The following OSTF1 variants were observed in gnomAD, a reference collection of about 807,000 sequenced individuals.
OSTF1 encodes the protein osteoclast stimulating factor 1.
OSTF1 carries 27 observed loss-of-function variants against 37.2 expected under a neutral mutation model. The observed-to-expected ratio is 0.73, with a 90% CI of 0.54 to 1.00. OSTF1 has a LOEUF of 1.00. Ranked by LOEUF, OSTF1 falls within the 50% of genes least tolerant of loss-of-function variation. The pLI is 0.00. For synonymous variants in OSTF1, 82 were observed against 89.2 expected (o/e 0.92, Z 0.46); for missense variants, 232 against 253.8 (o/e 0.91, Z 0.58).
chr9:75,122,410 G>C (rs1418535856), intron 2 of OSTF1, among the ~76,000 whole-genome samples: 1 of 152,218 alleles, frequency 6.6e-6, no homozygotes, highest in African/African-American at 2.4e-5. Context: ...TCCAAGCCTA[G>C]TGAGTTGTGA....
chr9:75,119,041 A>T lies in OSTF1; in HGVS notation c.81+1491A>T, dbSNP rs72732989. On this transcript the variant is annotated intron_variant, in intron 2 of 9. Coordinates refer to ENST00000346234, the MANE Select transcript of OSTF1 (RefSeq NM_012383.5). Reference sequence around the variant, plus strand: ...TTTGCCCCAGACCCTGCTGTCCCCAAAGTTAGAGGCAACTCAGAAGGTCAC... The same window carrying T: ...TTTGCCCCAGACCCTGCTGTCCCCATAGTTAGAGGCAACTCAGAAGGTCAC... 1.9e-3 allele frequency among the ~76,000 whole-genome samples: 287 copies of T among 152,330 alleles called. 1 individual carries two copies. Among genetic ancestry groups the T allele is most frequent in the Non-Finnish European group, 3.1e-3 (213 of 68,030 alleles).
intron 8 of OSTF1, among the ~76,000 whole-genome samples, chr9:75,139,386 C>T (rs1022022901): frequency 6.6e-6 from 1 of 151,964 alleles, no homozygotes; most frequent in Non-Finnish European, 1.5e-5. Context: ...TGATACTTTC[C>T]TACACTGTGG....
At chr9:75,120,421 G>A (rs1383394202) in intron 2 of OSTF1, among the ~76,000 whole-genome samples, 2 of 152,230 alleles carry the variant, frequency 1.3e-5, no homozygotes, top group Middle Eastern at 3.4e-3. Flanking sequence ...AGTGAGGGAG[G>A]TGAGGGGTGG....
intron 1 of OSTF1, among the ~76,000 whole-genome samples, chr9:75,115,170 A>G (rs1180752963): frequency 1.3e-5 from 2 of 152,210 alleles, no homozygotes; most frequent in Non-Finnish European, 2.9e-5. Flanking sequence ...ATAATTTCTG[A>G]AGTAGTCTTC....
chr9:75,107,913 C>T (rs975957296), intron 1 of OSTF1, among the ~76,000 whole-genome samples: 2 of 152,096 alleles, frequency 1.3e-5, no homozygotes, highest in Non-Finnish European at 1.5e-5. Context: ...GCAAACAAGG[C>T]ATGACATATG....
chr9:75,134,285 C>A, intron 6 of OSTF1, 61 bp from the exon 7 acceptor site: 1 of 712,746 alleles, frequency 1.4e-6, no homozygotes, highest in Non-Finnish European at 2.4e-6. Flanking sequence ...ATTATTGTAC[C>A]TAGATTTGTC....
Position 75,127,564 on chromosome 9 carries a change from T to C in OSTF1, c.82-5T>C. Reference sequence around the variant, plus strand: ...CATGGAGTCAAACTTTTTTTTTTCTTCTAGCCAGATGAATTATACTTTGAG... The same window carrying C: ...CATGGAGTCAAACTTTTTTTTTTCTCCTAGCCAGATGAATTATACTTTGAG... On this transcript the variant is annotated splice_region_variant and splice_polypyrimidine_tract_variant and intron_variant, in intron 2 of 9. Coordinates refer to ENST00000346234, the MANE Select transcript of OSTF1 (RefSeq NM_012383.5). The C allele has an allele frequency of 2.6e-6, 4 of 1,558,736 alleles. No individual in the cohort carries two copies. Among genetic ancestry groups the C allele is most frequent in the Non-Finnish European group, 3.5e-6 (4 of 1,143,678 alleles).
intron 3 of OSTF1, 48 bp from the exon 4 acceptor site, chr9:75,130,530 A>C (rs770458845): frequency 4.1e-6 from 5 of 1,219,778 alleles, no homozygotes; most frequent in Non-Finnish European, 6.1e-6. Flanking sequence ...AAAGTGAATG[A>C]ATGCAGTCTG....
chr9:75,098,678 G>A (rs1355309429), intron 1 of OSTF1, among the ~76,000 whole-genome samples: 1 of 152,108 alleles, frequency 6.6e-6, no homozygotes, highest in Non-Finnish European at 1.5e-5. Flanking sequence ...AATTCTCTGT[G>A]CAAAATATCA....
intron 1 of OSTF1, among the ~76,000 whole-genome samples, chr9:75,104,714 A>G (rs574200431): frequency 6.6e-6 from 1 of 152,306 alleles, no homozygotes; most frequent in South Asian, 2.1e-4. Context: ...AATAGTAGCT[A>G]ACATTTATGG....
chr9:75,099,948 C>A (rs749157514), intron 1 of OSTF1, among the ~76,000 whole-genome samples: 1 of 152,128 alleles, frequency 6.6e-6, no homozygotes, highest in Non-Finnish European at 1.5e-5. Context: ...CTTTAGAATT[C>A]AAACAAAAAT....
intron 5 of OSTF1, 141 bp downstream of exon 5, chr9:75,131,964 T>G: frequency 4.7e-6 from 3 of 641,144 alleles, no homozygotes; most frequent in East Asian, 2.8e-5. Flanking sequence ...AAAGTTCCCT[T>G]TGCACCTTCT....
At chr9:75,114,607 C>T (rs919243795) in intron 1 of OSTF1, among the ~76,000 whole-genome samples, 2 of 149,902 alleles carry the variant, frequency 1.3e-5, no homozygotes, top group Admixed American at 1.3e-4. Context: ...GGCTGGAGTG[C>T]AGTGGTGCAA....
intron 1 of OSTF1, among the ~76,000 whole-genome samples, chr9:75,112,470 A>G (rs2118491656): frequency 6.6e-6 from 1 of 151,996 alleles, no homozygotes; most frequent in East Asian, 1.9e-4. Context: ...TATGGATGAA[A>G]AGGGACAAGA....
At chr9:75,132,084 G>A (rs952922215) in intron 5 of OSTF1, among the ~76,000 whole-genome samples, 1 of 152,204 alleles carries the variant, frequency 6.6e-6, no homozygotes, top group African/African-American at 2.4e-5. Flanking sequence ...GATGCAAGTC[G>A]AAAGACATGG....
At chr9:75,118,570 C>T (rs568765627) in intron 2 of OSTF1, among the ~76,000 whole-genome samples, 1 of 152,182 alleles carries the variant, frequency 6.6e-6, no homozygotes, top group Admixed American at 6.5e-5. Flanking sequence ...AAGAAGATTT[C>T]TTGGGGAGAA....
chr9:75,097,601 A>C (rs530530136), intron 1 of OSTF1, among the ~76,000 whole-genome samples: 53 of 152,110 alleles, frequency 3.5e-4, no homozygotes, highest in Non-Finnish European at 5.6e-4. Flanking sequence ...ATCTCATTGG[A>C]ATCTGTGCAT....
chr9:75,138,557 C>G (rs1483198392), intron 8 of OSTF1, among the ~76,000 whole-genome samples: 2 of 152,034 alleles, frequency 1.3e-5, no homozygotes, highest in Non-Finnish European at 2.9e-5. Flanking sequence ...AGTAAAACAT[C>G]ACAGTAATTT....
chr9:75,123,391 T>TC (rs1032943994), intron 2 of OSTF1, among the ~76,000 whole-genome samples: 7 of 152,118 alleles, frequency 4.6e-5, no homozygotes, highest in African/African-American at 1.7e-4. Flanking sequence ...GCCACTGCAC[T>TC]CCAACCTGGG....
Sources: allele counts gnomAD v4.1 joint callset (sites outside exome capture counted in the v4.1 genomes callset), GRCh38; gene constraint gnomAD v4.1.1; transcripts MANE v1.5; gene names NCBI Gene and HGNC (gene_info 2026-07-23, HGNC 2026-07-21).